Variants in RGS7 observed in about 807,000 individuals in gnomAD.
The protein encoded by RGS7 is regulator of G-protein signaling 7.
RGS7 carries 27 observed loss-of-function variants against 81.1 expected under a neutral mutation model. The ratio of observed to expected loss-of-function variants is 0.33; its 90% CI spans 0.25 to 0.46. RGS7 has a LOEUF of 0.46. Among genes scored for constraint, RGS7 ranks in the 20% least tolerant of loss-of-function variants. RGS7 has a pLI of 1.00. For missense variants in RGS7, 396 were observed against 607.4 expected (o/e 0.65, Z 3.66); for synonymous variants, 208 against 207.7 (o/e 1.00, Z -0.01).
chr1:240,816,910 A>T (rs888991597), intron 10 of RGS7, among the ~76,000 whole-genome samples: 3 of 152,216 alleles, frequency 2.0e-5, no homozygotes, highest in Non-Finnish European at 4.4e-5. Context: ...GTGCAATAGA[A>T]GACACCAGGG....
chr1:240,786,509 A>G (rs1685094491), intron 18 of RGS7, among the ~76,000 whole-genome samples: 1 of 152,192 alleles, frequency 6.6e-6, no homozygotes, highest in Non-Finnish European at 1.5e-5. Context: ...TAAAAATCAG[A>G]TTGCATTGCA....
intron 3 of RGS7, among the ~76,000 whole-genome samples, chr1:241,008,912 C>CAAAAAAAAAAAAAAAAAAAAAAACAAAAA: frequency 1.3e-5 from 1 of 77,908 alleles, no homozygotes; most frequent in Non-Finnish European, 2.4e-5. Context: ...ACTCTGTCTC[C>CAAAAAAAAAAAAAAAAAAAAAAACAAAAA]AAAAAAAAAA....
At chr1:241,153,117 A>C (rs1489673089) in intron 2 of RGS7, among the ~76,000 whole-genome samples, 1 of 152,254 alleles carries the variant, frequency 6.6e-6, no homozygotes, top group Non-Finnish European at 1.5e-5. Flanking sequence ...ATTGACTGAC[A>C]ATGAATAGTC....
chr1:241,096,531 C>T (rs765604355), intron 3 of RGS7, among the ~76,000 whole-genome samples: 1 of 152,100 alleles, frequency 6.6e-6, no homozygotes, highest in Non-Finnish European at 1.5e-5. Context: ...ATTACATTAA[C>T]GTGAAAAATG....
rs1686868459 is a variant in RGS7 at position 240,993,730 on chromosome 1, A to C, written c.176-10601T>G. Among the ~76,000 whole-genome samples, 3 of 152,042 alleles carry C rather than the reference A, an allele frequency of 2.0e-5. No homozygotes were observed. In the South Asian group the frequency reaches 6.2e-4, roughly 32 times the overall value. On this transcript the variant is annotated intron_variant, in intron 3 of 18. Transcript: ENST00000440928. ...AATTTGGATGAGGTCCAATTTATCA[A>C]CTTTTTATAGATTATAGTATTAAAT...
chr1:241,004,583 C>A (rs757251548), intron 3 of RGS7, among the ~76,000 whole-genome samples: 1 of 152,058 alleles, frequency 6.6e-6, no homozygotes, highest in Non-Finnish European at 1.5e-5. Context: ...GATGAAGACC[C>A]AAAGATATAG....
chr1:241,043,639 AATAC>A (rs1432091710), intron 3 of RGS7, among the ~76,000 whole-genome samples: 1 of 147,484 alleles, frequency 6.8e-6, no homozygotes, highest in Non-Finnish European at 1.5e-5. Flanking sequence ...TACATATTAT[AATAC>A]ATAGTTATAT....
intron 6 of RGS7, among the ~76,000 whole-genome samples, chr1:240,875,578 T>C (rs532515120): frequency 6.6e-6 from 1 of 152,310 alleles, no homozygotes; most frequent in East Asian, 1.9e-4. Context: ...CCTATGGTAG[T>C]TCTAGGTTCA....
intron 2 of RGS7, among the ~76,000 whole-genome samples, chr1:241,308,219 C>G (rs548740786): frequency 1.3e-5 from 2 of 152,072 alleles, no homozygotes; most frequent in Non-Finnish European, 2.9e-5. Context: ...GCACAGTGAC[C>G]AGAATGGAGA....
At chr1:240,787,141 G>C (rs1344457485) in intron 18 of RGS7, among the ~76,000 whole-genome samples, 1 of 152,012 alleles carries the variant, frequency 6.6e-6, no homozygotes, top group Non-Finnish European at 1.5e-5. Flanking sequence ...AGGAAAAAGT[G>C]ATTGTGCTGC....
chr1:240,860,440 T>C (rs904203642), intron 9 of RGS7, among the ~76,000 whole-genome samples: 1 of 152,184 alleles, frequency 6.6e-6, no homozygotes, highest in African/African-American at 2.4e-5. Context: ...ATTGATCTTT[T>C]TATCATTATG....
rs535273650 is a variant in RGS7 at position 241,175,844 on chromosome 1, C to A, written c.79-77082G>T. Among the ~76,000 whole-genome samples, 8 of 152,238 alleles carry A rather than the reference C, an allele frequency of 5.3e-5. No individual in the cohort carries two copies. The South Asian group carries it at 1.7e-3, about 32-fold the overall frequency. On this transcript the variant is annotated intron_variant, in intron 2 of 18. Coordinates refer to ENST00000440928, the MANE Select transcript of RGS7 (RefSeq NM_001364886.1). ...ACAGCTACAATCAAACACATCAAGA[C>A]GGAATGTATGGGACAAGTGCAGAGG...
intron 6 of RGS7, among the ~76,000 whole-genome samples, chr1:240,898,852 CT>C (rs1484063754): frequency 1.3e-5 from 2 of 152,076 alleles, no homozygotes; most frequent in African/African-American, 4.8e-5. Flanking sequence ...AACTTTCTGT[CT>C]CGTTGATCTG....
chr1:240,785,029 C>T (rs1205277830), intron 18 of RGS7, among the ~76,000 whole-genome samples: 8 of 152,158 alleles, frequency 5.3e-5, no homozygotes, highest in Non-Finnish European at 1.2e-4. Flanking sequence ...ATTTTACTCT[C>T]ATGTTGAAAA....
At chr1:240,901,509 G>A (rs1026672825) in intron 6 of RGS7, among the ~76,000 whole-genome samples, 3 of 152,208 alleles carry the variant, frequency 2.0e-5, no homozygotes, top group Non-Finnish European at 4.4e-5. Context: ...CGTATTCCAA[G>A]GGCTCGAAAG....
At chr1:241,007,287 TA>T (rs2058727476) in intron 3 of RGS7, among the ~76,000 whole-genome samples, 1 of 152,192 alleles carries the variant, frequency 6.6e-6, no homozygotes, top group Non-Finnish European at 1.5e-5. Flanking sequence ...CACATTATCG[TA>T]AGAACACAGT....
chr1:240,974,951 C>T (rs1289723983), intron 4 of RGS7, among the ~76,000 whole-genome samples: 3 of 151,348 alleles, frequency 2.0e-5, no homozygotes, highest in Non-Finnish European at 4.4e-5. Flanking sequence ...ATGCCTGTAA[C>T]CAGTAAGTGC....
chr1:240,851,259 T>C (rs1028120634), intron 9 of RGS7, among the ~76,000 whole-genome samples: 6 of 152,182 alleles, frequency 3.9e-5, no homozygotes, highest in Non-Finnish European at 7.4e-5. Flanking sequence ...CTAGGGCCCA[T>C]AAGAATTATG....
At chr1:240,951,798 G>A (rs1353690921) in intron 4 of RGS7, among the ~76,000 whole-genome samples, 1 of 151,904 alleles carries the variant, frequency 6.6e-6, no homozygotes. Context: ...CACTCAGAGA[G>A]AAAGAAAAGT....
Sources: allele counts gnomAD v4.1 joint callset (sites outside exome capture counted in the v4.1 genomes callset), GRCh38; gene constraint gnomAD v4.1.1; transcripts MANE v1.5; gene names NCBI Gene and HGNC (gene_info 2026-07-23, HGNC 2026-07-21).